The following XYLT1 variants were observed in gnomAD, a reference collection of about 807,000 sequenced individuals.
XYLT1 encodes the protein xylosyltransferase 1, also known as beta-D-xylosyltransferase 1.
Under a neutral mutation model 91.3 loss-of-function variants are expected in XYLT1, and 36 were observed. The observed-to-expected ratio is 0.39, with a 90% CI of 0.30 to 0.52. XYLT1 has a LOEUF of 0.52. Ranked by LOEUF, XYLT1 falls within the 20% of genes least tolerant of loss-of-function variation. The probability of loss-of-function intolerance (pLI) is 0.68; values close to 1 mark genes in which losing one functional copy is unlikely to be tolerated. For missense variants in XYLT1, 1,242 were observed against 1,284.5 expected (o/e 0.97, Z 0.51); for synonymous variants, 588 against 532.0 (o/e 1.11, Z -1.45).
intron 3 of XYLT1, chr16:17,228,110 C>G (rs1301088289): frequency 1.3e-5 from 2 of 152,180 alleles, no homozygotes; most frequent in Admixed American, 1.3e-4. Context: ...AGAGTCATTG[C>G]TTAGATATGG....
intron 2 of XYLT1, among the ~76,000 whole-genome samples, chr16:17,262,088 C>G (rs1315481218): frequency 6.6e-6 from 1 of 152,162 alleles, no homozygotes; most frequent in Non-Finnish European, 1.5e-5. Flanking sequence ...TTACCATGAG[C>G]CAGGCACCAC....
Position 17,453,844 on chromosome 16 carries a change from C to A in XYLT1, c.363+16590G>T, listed in dbSNP as rs146864178. Among the ~76,000 whole-genome samples, 70 of 152,262 alleles carry A rather than the reference C, an allele frequency of 4.6e-4. No homozygotes were observed. In the East Asian group the frequency reaches 0.01, roughly 23 times the overall value. The stretch of plus-strand genomic sequence containing the variant: ...CTGTTTTGCTGAATAAAGATAAGAG[C>A]GCTGTGGACAATATGGCTTTGGTAT... On this transcript the variant is annotated intron_variant, in intron 1 of 11. Transcript: ENST00000261381.
intron 11 of XYLT1, among the ~76,000 whole-genome samples, chr16:17,111,331 C>T (rs554559608): frequency 5.9e-5 from 9 of 152,154 alleles, no homozygotes; most frequent in Admixed American, 5.9e-4. Flanking sequence ...CTAATAGATG[C>T]TATTTCTAAT....
At chr16:17,152,464 TCTC>T (rs1364865959) in intron 6 of XYLT1, among the ~76,000 whole-genome samples, 1 of 152,212 alleles carries the variant, frequency 6.6e-6, no homozygotes, top group Non-Finnish European at 1.5e-5. Context: ...ATATTAATGA[TCTC>T]CTTGCATCAG....
chr16:17,285,974 CAG>C (rs764077384), intron 2 of XYLT1, among the ~76,000 whole-genome samples: 2 of 145,832 alleles, frequency 1.4e-5, no homozygotes, highest in African/African-American at 5.0e-5. Context: ...GACAGAGAGA[CAG>C]AGAGAGACTG....
At chr16:17,328,160 G>C (rs1412143342) in intron 2 of XYLT1, among the ~76,000 whole-genome samples, 1 of 152,146 alleles carries the variant, frequency 6.6e-6, no homozygotes, top group African/African-American at 2.4e-5. Flanking sequence ...TTTACCACCA[G>C]AGCCTATTTT....
chr16:17,183,942 C>T (rs773900681), intron 5 of XYLT1, among the ~76,000 whole-genome samples: 20 of 152,080 alleles, frequency 1.3e-4, no homozygotes, highest in South Asian at 4.2e-4. Context: ...AGGGTAGAAA[C>T]GCTCCTCCCT....
At chr16:17,344,248 C>T (rs1422481354) in intron 2 of XYLT1, among the ~76,000 whole-genome samples, 3 of 150,680 alleles carry the variant, frequency 2.0e-5, no homozygotes, top group Admixed American at 6.6e-5. Flanking sequence ...TTTGGGAGGC[C>T]AAGGCGGGCG....
intron 2 of XYLT1, among the ~76,000 whole-genome samples, chr16:17,306,229 G>A (rs1403874691): frequency 2.0e-5 from 3 of 152,136 alleles, no homozygotes; most frequent in South Asian, 4.1e-4. Context: ...GGTTGGGAGA[G>A]GGAAAAAGAA....
intron 1 of XYLT1, among the ~76,000 whole-genome samples, chr16:17,372,026 T>G (rs1460912207): frequency 1.3e-5 from 2 of 152,154 alleles, no homozygotes; most frequent in African/African-American, 4.8e-5. Flanking sequence ...GTTGCCCCAT[T>G]CTTGGTACTA....
At chr16:17,469,051 G>A (rs955629564) in intron 1 of XYLT1, among the ~76,000 whole-genome samples, 2 of 152,152 alleles carry the variant, frequency 1.3e-5, no homozygotes, top group African/African-American at 4.8e-5. Flanking sequence ...CGCAAATGAG[G>A]GAAAGACTTC....
At chr16:17,207,423 T>C (rs1160640180) in intron 3 of XYLT1, among the ~76,000 whole-genome samples, 2 of 152,140 alleles carry the variant, frequency 1.3e-5, no homozygotes, top group Non-Finnish European at 2.9e-5. Flanking sequence ...CTCTTATCTC[T>C]TGTAGGATGC....
At chr16:17,383,775 T>A (rs1211590073) in intron 1 of XYLT1, among the ~76,000 whole-genome samples, 1 of 151,108 alleles carries the variant, frequency 6.6e-6, no homozygotes, top group Non-Finnish European at 1.5e-5. Context: ...GAGACGGAGT[T>A]TCACTCTTGT....
At chr16:17,401,152 C>G (rs2035964121) in intron 1 of XYLT1, among the ~76,000 whole-genome samples, 1 of 152,146 alleles carries the variant, frequency 6.6e-6, no homozygotes, top group African/African-American at 2.4e-5. Context: ...GGAAAGCTTG[C>G]AAGGGAGATG....
intron 1 of XYLT1, among the ~76,000 whole-genome samples, chr16:17,389,973 C>T (rs931839344): frequency 6.6e-6 from 1 of 152,136 alleles, no homozygotes; most frequent in Non-Finnish European, 1.5e-5. Context: ...GGATTCAGGT[C>T]GTGCCCTGTA....
intron 3 of XYLT1, among the ~76,000 whole-genome samples, chr16:17,257,054 T>C (rs2033644078): frequency 6.6e-6 from 1 of 152,334 alleles, no homozygotes; most frequent in Non-Finnish European, 1.5e-5. Context: ...TCCGTGCTCA[T>C]TTAAGGGTCT....
intron 2 of XYLT1, among the ~76,000 whole-genome samples, chr16:17,351,698 T>C (rs2035221941): frequency 6.7e-6 from 1 of 149,018 alleles, no homozygotes; most frequent in African/African-American, 2.5e-5. Flanking sequence ...CAAACGAAGT[T>C]ACTCCAGGGT....
intron 6 of XYLT1, among the ~76,000 whole-genome samples, chr16:17,158,426 G>A (rs1259749621): frequency 1.3e-5 from 2 of 152,192 alleles, no homozygotes; most frequent in Admixed American, 6.5e-5. Flanking sequence ...ACTGGCACAC[G>A]CCCATGCTTG....
chr16:17,399,556 T>G (rs895689001), intron 1 of XYLT1, among the ~76,000 whole-genome samples: 1 of 152,258 alleles, frequency 6.6e-6, no homozygotes, highest in Non-Finnish European at 1.5e-5. Flanking sequence ...CAACCGCAGC[T>G]GCCAGCATCA....
Sources: gnomAD v4.1 joint callset for allele counts (sites outside exome capture counted in the v4.1 genomes callset) on GRCh38, gnomAD v4.1.1 for gene constraint, MANE v1.5 for transcripts, NCBI Gene and HGNC (gene_info 2026-07-23, HGNC 2026-07-21) for gene names.